KYAT1: variants seen among roughly 807,000 people sequenced by gnomAD.
The protein encoded by KYAT1 is kynurenine--oxoglutarate transaminase 1.
A neutral mutation model predicts 52.4 loss-of-function variants in KYAT1; 47 were observed. The ratio of observed to expected loss-of-function variants is 0.90; its 90% CI spans 0.71 to 1.14. The LOEUF is 1.14. Among genes scored for constraint, KYAT1 ranks in the 50% most tolerant of loss-of-function variants. The pLI, the probability that KYAT1 is intolerant of heterozygous loss-of-function variation, is 0.00. For synonymous variants in KYAT1, 212 were observed against 209.6 expected (o/e 1.01, Z -0.10); for missense variants, 480 against 557.9 (o/e 0.86, Z 1.41).
rs560525574 is a variant in KYAT1 at position 128,845,383 on chromosome 9, C to T, written c.23G>A (p.Arg8Gln). The T allele has an allele frequency of 1.3e-4, 215 of 1,613,924 alleles. 1 individual carries two copies. In the South Asian group the frequency reaches 1.7e-3, roughly 13 times the overall value. Residue 8 changes from arginine to glutamine, a missense_variant, in exon 2 of 13, where the codon CGA becomes CAA. Transcript: ENST00000302586. Reference protein sequence around the residue: MAKQLQARRLDGIDYNPW... With the variant: MAKQLQAQRLDGIDYNPW... Reference sequence around the variant, plus strand: ...GTTGTAGTCGATCCCGTCTAGCCTTCGGGCCTGCAGCTGTTTGGCCATGGC... The same window carrying T: ...GTTGTAGTCGATCCCGTCTAGCCTTTGGGCCTGCAGCTGTTTGGCCATGGC...
At chr9:128,882,423 G>T (rs994970654), upstream of KYAT1, 1 of 313,310 alleles carries the variant, frequency 3.2e-6, no homozygotes, top group Non-Finnish European at 5.8e-6. Flanking sequence ...GCTCCCCAGT[G>T]CCCGGAGTCT....
chr9:128,852,091 G>A (rs1003049105), intron 1 of KYAT1, among the ~76,000 whole-genome samples: 1 of 152,068 alleles, frequency 6.6e-6, no homozygotes, highest in African/African-American at 2.4e-5. Flanking sequence ...GGAAAAGTTG[G>A]GGGCGCTACA....
chr9:128,842,731 G>A lies in KYAT1; in HGVS notation c.124C>T (p.Pro42Ser), dbSNP rs1238967035. ...NLGQGFPDFP[P>S]PDFAVEAFQH... is the part of the protein sequence containing the mutation. The stretch of plus-strand genomic sequence containing the variant: ...AAGGCTTCCACGGCAAAGTCTGGTG[G>A]TGGGAAATCCGGGAAGCCCTGGCCC... Residue 42 changes from proline (P) to serine (S), a missense_variant, in exon 3 of 13, where the codon CCA (proline) becomes TCA (serine). By Grantham distance (74) the Pro-to-Ser change is moderately conservative. Coordinates refer to ENST00000302586, the MANE Select transcript of KYAT1 (RefSeq NM_004059.5). The A allele has an allele frequency of 4.0e-5, 64 of 1,614,088 alleles. No homozygotes were observed. Among genetic ancestry groups the A allele is most frequent in the Non-Finnish European group, 5.0e-5 (59 of 1,180,042 alleles).
At chr9:128,872,934 G>A (rs1044719743) in intron 1 of KYAT1, among the ~76,000 whole-genome samples, 1 of 151,600 alleles carries the variant, frequency 6.6e-6, no homozygotes, top group Non-Finnish European at 1.5e-5. Flanking sequence ...AAATTAGCCG[G>A]GCATGGTGGC....
chr9:128,833,657 G>C lies in KYAT1; in HGVS notation c.1210-14C>G. Reference sequence around the variant, plus strand: ...CGTGGCTTCATCCTGCGCCAGCACAGATTAGTCCTACACTCTCCCCATGTG... The same window carrying C: ...CGTGGCTTCATCCTGCGCCAGCACACATTAGTCCTACACTCTCCCCATGTG... On this transcript the variant is annotated splice_polypyrimidine_tract_variant and intron_variant, in intron 12 of 12. Transcript: ENST00000302586. The C allele has an allele frequency of 6.2e-7, 1 of 1,614,206 alleles. No individual in the cohort carries two copies. The highest frequency in any genetic ancestry group is 8.5e-7 in the Non-Finnish European group (1 of 1,180,012).
At chr9:128,865,334 TATATATATATATA>T (rs1836133432) in intron 1 of KYAT1, among the ~76,000 whole-genome samples, 10 of 2,452 alleles carry the variant, frequency 4.1e-3, no homozygotes, top group Non-Finnish European at 5.4e-3. Context: ...TATATATATA[TATATATATATATA>T]TATATATATA....
chr9:128,864,808 C>T (rs1192959251), intron 1 of KYAT1, among the ~76,000 whole-genome samples: 1 of 151,892 alleles, frequency 6.6e-6, no homozygotes, highest in African/African-American at 2.4e-5. Flanking sequence ...AGGGTTTCAC[C>T]ATGTTGACCA....
At chr9:128,839,660 A>C (rs1011569102) in intron 3 of KYAT1, among the ~76,000 whole-genome samples, 3 of 152,162 alleles carry the variant, frequency 2.0e-5, no homozygotes, top group African/African-American at 7.2e-5. Context: ...AAACAAAAAT[A>C]CTCAAGGCTA....
intron 1 of KYAT1, among the ~76,000 whole-genome samples, chr9:128,857,213 C>A (rs142335558): frequency 0.024 from 3,604 of 152,226 alleles, 140 homozygotes; most frequent in African/African-American, 0.078. Context: ...TTTTTGCTGA[C>A]CTTCTCCTTA....
At chr9:128,874,030 T>C (rs1004121167) in intron 1 of KYAT1, among the ~76,000 whole-genome samples, 1 of 147,816 alleles carries the variant, frequency 6.8e-6, no homozygotes, top group African/African-American at 2.5e-5. Flanking sequence ...CCGAGGCGGG[T>C]GGATCACCTG....
chr9:128,838,552 A>G (rs1831557924), intron 3 of KYAT1, among the ~76,000 whole-genome samples, 185 bp from the exon 4 acceptor site: 1 of 152,190 alleles, frequency 6.6e-6, no homozygotes, highest in South Asian at 2.1e-4. Flanking sequence ...CTACACACCA[A>G]GCTATTTGTG....
intron 1 of KYAT1, among the ~76,000 whole-genome samples, chr9:128,861,478 A>C (rs1036792736): frequency 1.3e-5 from 2 of 152,204 alleles, no homozygotes; most frequent in African/African-American, 4.8e-5. Flanking sequence ...ACTGTGAGTC[A>C]ATTAAATCTC....
At chr9:128,836,670 A>T (rs1464761773) in intron 7 of KYAT1, 132 bp downstream of exon 7, 4 of 1,019,382 alleles carry the variant, frequency 3.9e-6, no homozygotes, top group Non-Finnish European at 5.7e-6. Flanking sequence ...GTACTCTGGG[A>T]GGCAAAGGTC....
chr9:128,863,662 T>C (rs148907266), intron 1 of KYAT1, among the ~76,000 whole-genome samples: 2 of 152,230 alleles, frequency 1.3e-5, no homozygotes, highest in African/African-American at 4.8e-5. Context: ...AGGGGGCACG[T>C]AGGCTGCCTT....
chr9:128,879,667 G>A, intron 1 of KYAT1, among the ~76,000 whole-genome samples: 1 of 152,174 alleles, frequency 6.6e-6, no homozygotes, highest in East Asian at 1.9e-4. Context: ...CTCTCCTTGA[G>A]TCTCCAGCCT....
intron 1 of KYAT1, among the ~76,000 whole-genome samples, chr9:128,876,409 C>CTTTT (rs71383618): frequency 1.6e-5 from 2 of 124,534 alleles, no homozygotes; most frequent in Non-Finnish European, 3.3e-5. Flanking sequence ...ATCCTTTGTT[C>CTTTT]TTTTTTTTTT....
rs199904104 is a variant in KYAT1 at position 128,838,230 on chromosome 9, G to A, written c.339C>T (p.Asp113=). The change falls in exon 4 of 13, where the codon GAC becomes GAT. Residue 113 remains aspartate, a synonymous_variant. Coordinates refer to ENST00000302586, the MANE Select transcript of KYAT1 (RefSeq NM_004059.5). ...ALFTAFQALV[D]EGDEVIIIEP... ...CTTGCCCACTCACCTCGTCTCCTTCGTCCACCAGGGCCTGGAAGGCTGTGA... is the reference window on the plus strand; with the variant it reads ...CTTGCCCACTCACCTCGTCTCCTTCATCCACCAGGGCCTGGAAGGCTGTGA... The A allele has an allele frequency of 4.2e-4, 671 of 1,614,108 alleles. 5 individuals carry two copies. Among genetic ancestry groups the A allele is most frequent in the South Asian group, 1.5e-3 (137 of 91,082 alleles).
At chr9:128,860,621 A>C (rs1835335883) in intron 1 of KYAT1, 1 of 142,856 alleles carries the variant, frequency 7.0e-6, no homozygotes. Context: ...GGTGGAGTGC[A>C]GTTGCGCAAT....
At chr9:128,834,236 A>G (rs1055378374) in intron 11 of KYAT1, among the ~76,000 whole-genome samples, 8 of 152,160 alleles carry the variant, frequency 5.3e-5, no homozygotes, top group African/African-American at 1.9e-4. Context: ...AGCCTGGGCG[A>G]AAGAGAGAAA....
Sources: gnomAD v4.1 joint callset for allele counts (sites outside exome capture counted in the v4.1 genomes callset) on GRCh38, gnomAD v4.1.1 for gene constraint, MANE v1.5 for transcripts, NCBI Gene and HGNC (gene_info 2026-07-23, HGNC 2026-07-21) for gene names.